SDHA: variants seen among roughly 807,000 people sequenced by gnomAD.
The protein encoded by SDHA is succinate dehydrogenase [ubiquinone] flavoprotein subunit, mitochondrial.
SDHA carries 48 observed loss-of-function variants against 78.4 expected under a neutral mutation model. That is an observed-to-expected ratio of 0.61 (90% CI 0.49 to 0.78). SDHA has a LOEUF of 0.78. SDHA is among the 30% of genes least tolerant of loss of function. SDHA has a pLI of 0.00. For synonymous variants in SDHA, 326 were observed against 353.9 expected (o/e 0.92, Z 0.88); for missense variants, 680 against 892.7 (o/e 0.76, Z 3.04).
At chr5:267,475 C>T in the SDHA span, among the ~76,000 whole-genome samples, 1 of 152,174 alleles carries the variant, frequency 6.6e-6, no homozygotes, top group Non-Finnish European at 1.5e-5. Flanking sequence ...TGCTTGTTCA[C>T]ACAAAGGACA....
At chr5:239,958 G>A (rs111857875) in intron 10 of SDHA, among the ~76,000 whole-genome samples, 4 of 151,986 alleles carry the variant, frequency 2.6e-5, no homozygotes, top group Non-Finnish European at 5.9e-5. Context: ...TTAGTGAAAC[G>A]AGGTTTTGCC....
rs1304983885 is a variant in SDHA at position 237,064 on chromosome 5, A to G, written c.1432+465A>G. Among the ~76,000 whole-genome samples the G allele has an allele frequency of 3.6e-5, 5 of 137,248 alleles. 1 individual carries two copies. The highest frequency in any genetic ancestry group is 1.4e-4 in the African/African-American group (4 of 29,364). The allele number at this position is 137,248 out of a possible 152,430, so 90.0% of individuals were successfully genotyped here. A position where few individuals can be genotyped will look rare whatever the true frequency, so the allele number is the denominator to read the frequency against. On this transcript the variant is annotated intron_variant, in intron 10 of 14. Coordinates refer to ENST00000264932, the MANE Select transcript of SDHA (RefSeq NM_004168.4). ...GAAATCCAGAAATTATATGGTGGTA[A>G]TGTTGAGACTAGATAGAGGCTGGTT...
chr5:220,844 ACT>A (rs1560983132), intron 1 of SDHA, among the ~76,000 whole-genome samples: 1 of 138,910 alleles, frequency 7.2e-6, no homozygotes, highest in African/African-American at 3.0e-5. Flanking sequence ...ACAGAGTCTC[ACT>A]CTGTCACCCA....
In SDHA at chr5:224,410, A is replaced by G; in HGVS notation, c.201A>G (p.Val67=). 1 of 1,613,654 alleles carries G rather than the reference A, an allele frequency of 6.2e-7. No individual in the cohort carries two copies. The highest frequency in any genetic ancestry group is 8.5e-7 in the Non-Finnish European group (1 of 1,179,826). The change falls in exon 3 of 15, where the codon GTA becomes GTG. Residue 67 remains valine, a synonymous_variant. Transcript: ENST00000264932. The stretch of plus-strand genomic sequence containing the variant: ...ATCATGAATTTGATGCAGTGGTGGT[A>G]GGCGCTGGAGGGGCAGGCTTGCGAG... ...VVDHEFDAVV[V]GAGGAGLRAA...
At chr5:247,675 C>A (rs141609566) in intron 11 of SDHA, among the ~76,000 whole-genome samples, 124 of 152,320 alleles carry the variant, frequency 8.1e-4, no homozygotes, top group Non-Finnish European at 1.5e-3. Context: ...TATGTACATG[C>A]ATGTGTGGAC....
chr5:251,096 C>A lies in SDHA; in HGVS notation c.1656C>A (p.Phe552Leu). The A allele has an allele frequency of 6.2e-7, 1 of 1,611,790 alleles. No homozygotes were observed. The highest frequency in any genetic ancestry group is 8.5e-7 in the Non-Finnish European group (1 of 1,179,658). ...LYGDLKHLKT[F>L]DRGMVWNTDL... ...GAGACCTAAAGCACCTGAAGACGTT[C>A]GACCGGGGTGAGCAGACAGTGGGCT... Residue 552 changes from phenylalanine to leucine, a missense_variant, in exon 12 of 15, where the codon TTC becomes TTA. By Grantham distance (22) the Phe-to-Leu change is conservative. Transcript: ENST00000264932.
chr5:251,365 A>T lies in SDHA; in HGVS notation c.1691A>T (p.Glu564Val), dbSNP rs763529675. ...RGMVWNTDLV[E>V]TLELQNLMLC... ...ATGGTCTGGAACACGGACCTGGTGG[A>T]GACCCTGGAGCTGCAGAACCTGATG... The change falls in exon 13 of 15, where the codon GAG becomes GTG. Residue 564 changes from glutamate to valine, a missense_variant. Physicochemically the swap from Glu to Val is moderately radical, Grantham distance 121 (BLOSUM62 -2). Coordinates refer to ENST00000264932, the MANE Select transcript of SDHA (RefSeq NM_004168.4). 6.2e-7 allele frequency: 1 copy of T among 1,613,704 alleles called. No individual in the cohort carries two copies. Among genetic ancestry groups the T allele is most frequent in the South Asian group, 1.1e-5 (1 of 91,058 alleles).
chr5:221,801 G>C (rs9312977), intron 1 of SDHA, among the ~76,000 whole-genome samples: 36,493 of 151,960 alleles, frequency 0.24, 6,829 homozygotes, highest in African/African-American at 0.52. Context: ...GATTTAGATT[G>C]AGAGGGTTAG....
intron 1 of SDHA, among the ~76,000 whole-genome samples, chr5:222,350 CTTTT>C (rs750198454): frequency 7.4e-6 from 1 of 135,420 alleles, no homozygotes. Context: ...TTTTTCTTTT[CTTTT>C]TTTTTTTTTT....
At chr5:265,789 C>T in the SDHA span, among the ~76,000 whole-genome samples, 1 of 150,962 alleles carries the variant, frequency 6.6e-6, no homozygotes, top group South Asian at 2.1e-4. Flanking sequence ...CATTGCACTC[C>T]AGCCTGGGCA....
chr5:248,895 T>TGTA (rs1380200727), intron 11 of SDHA, among the ~76,000 whole-genome samples: 1 of 152,150 alleles, frequency 6.6e-6, no homozygotes, highest in African/African-American at 2.4e-5. Context: ...ACCATGGCGG[T>TGTA]GTAGTGGCAC....
chr5:249,879 C>G (rs957113190), intron 11 of SDHA: 2 of 152,170 alleles, frequency 1.3e-5, no homozygotes, highest in African/African-American at 4.8e-5. Context: ...AACTGAAAAA[C>G]TAACAGAAAC....
At position 233,722 on chromosome 5, in the gene SDHA, C is replaced by T. The variant is rs1041566501; in HGVS notation, c.1064+77C>T. ...TGCTTCTGTGAGTTTCAGCACCGCT[C>T]GCCCTCACCTTCGTGTGCAGGCGCA... is the stretch of plus-strand genomic sequence containing the variant. On this transcript the variant is annotated intron_variant, in intron 8 of 14. Transcript: ENST00000264932. The T allele has an allele frequency of 1.1e-5, 16 of 1,437,980 alleles. No homozygotes were observed. The African/African-American group carries it at 1.6e-4, about 14-fold the overall frequency. 89.1% of individuals were successfully genotyped at this position (1,437,980 alleles called of 1,614,324 possible).
At chr5:239,824 C>T (rs77821117) in intron 10 of SDHA, among the ~76,000 whole-genome samples, 71 of 150,904 alleles carry the variant, frequency 4.7e-4, no homozygotes, top group African/African-American at 1.7e-3. Context: ...GGCTGGAGTG[C>T]AGTGGCGCGA....
chr5:250,820 A>C (rs1463971708), intron 11 of SDHA, 172 bp from the exon 12 acceptor site: 1 of 653,864 alleles, frequency 1.5e-6, no homozygotes, highest in East Asian at 2.8e-5. Flanking sequence ...TTTAGTCAAA[A>C]CTTCATTTTT....
chr5:251,273 G>T, intron 12 of SDHA, 65 bp from the exon 13 acceptor site: 5 of 1,578,930 alleles, frequency 3.2e-6, no homozygotes, highest in South Asian at 1.1e-5. Flanking sequence ...GGCCCAGGCT[G>T]ACAGCTCGGA....
Position 225,421 on chromosome 5 carries a change from A to T in SDHA, c.315A>T (p.Gly105=). The T allele has an allele frequency of 6.2e-7, 1 of 1,612,186 alleles. No homozygotes were observed. The highest frequency in any genetic ancestry group is 1.3e-5 in the African/African-American group (1 of 74,928). ...PTRSHTVAAQ[G]GINAALGNME... ...TAAGGAGTGGTTGGTGTTTCCAGGG[A>T]GGAATCAATGCTGCTCTGGGGAACA... The change falls in exon 4 of 15, where the codon GGA becomes GGT. Residue 105 remains glycine (G), a splice_region_variant and synonymous_variant. Coordinates refer to ENST00000264932, the MANE Select transcript of SDHA (RefSeq NM_004168.4).
At position 250,985 on chromosome 5, in the gene SDHA, G is replaced by A. The variant is rs1351792129; in HGVS notation, c.1552-7G>A. 1 of 1,610,188 alleles carries A rather than the reference G, an allele frequency of 6.2e-7. No individual in the cohort carries two copies. Among genetic ancestry groups the A allele is most frequent in the Admixed American group, 1.7e-5 (1 of 60,002 alleles). On this transcript the variant is annotated splice_region_variant and splice_polypyrimidine_tract_variant and intron_variant, in intron 11 of 14. Transcript: ENST00000264932. ...TAAAAGTTTACAAATAATATTTTGTGCCACAGTCAATGCAAAATCATGCTG... is the reference window on the plus strand; with the variant it reads ...TAAAAGTTTACAAATAATATTTTGTACCACAGTCAATGCAAAATCATGCTG...
At chr5:223,382 A>G (rs1734824738) in intron 1 of SDHA, 100 bp from the exon 2 acceptor site, 1 of 889,592 alleles carries the variant, frequency 1.1e-6, no homozygotes, top group East Asian at 2.4e-5. Context: ...ACCTGGGTAC[A>G]TAAGAAGGTG....
Sources: allele counts gnomAD v4.1 joint callset (sites outside exome capture counted in the v4.1 genomes callset), GRCh38; gene constraint gnomAD v4.1.1; transcripts MANE v1.5; gene names NCBI Gene and HGNC (gene_info 2026-07-23, HGNC 2026-07-21).